Variants in MCUB observed in about 807,000 individuals in gnomAD.
MCUB encodes mitochondrial calcium uniporter dominant negative subunit beta.
In MCUB, 46 loss-of-function variants were observed where a neutral mutation model predicts 41.4. The ratio of observed to expected loss-of-function variants is 1.11; its 90% CI spans 0.88 to 1.42. The LOEUF is 1.42. Among genes scored for constraint, MCUB ranks in the 40% most tolerant of loss-of-function variants. The pLI, the probability that MCUB is intolerant of heterozygous loss-of-function variation, is 0.00. For synonymous variants in MCUB, 148 were observed against 148.2 expected (o/e 1.00, Z 0.01); for missense variants, 403 against 404.9 (o/e 1.00, Z 0.04).
At chr4:109,586,454 T>A (rs1727307664) in intron 1 of MCUB, among the ~76,000 whole-genome samples, 1 of 152,216 alleles carries the variant, frequency 6.6e-6, no homozygotes, top group Non-Finnish European at 1.5e-5. Flanking sequence ...CCTACTTCTG[T>A]CAGCTTCTCA....
chr4:109,603,131 C>T (rs1031844325), intron 1 of MCUB, among the ~76,000 whole-genome samples: 19 of 152,216 alleles, frequency 1.2e-4, no homozygotes, highest in South Asian at 4.1e-4. Context: ...CCGCTCTCCG[C>T]GGTCTCCCTC....
intron 1 of MCUB, among the ~76,000 whole-genome samples, chr4:109,576,925 C>G (rs1057221436): frequency 1.3e-5 from 2 of 152,156 alleles, no homozygotes; most frequent in African/African-American, 4.8e-5. Flanking sequence ...AATCTCGCCT[C>G]ACTGCAGCCT....
intron 4 of MCUB, among the ~76,000 whole-genome samples, chr4:109,665,449 A>G (rs936755379): frequency 2.6e-5 from 4 of 152,184 alleles, no homozygotes; most frequent in African/African-American, 4.8e-5. Context: ...GAACCTGTCT[A>G]TGACATTAAG....
intron 1 of MCUB, among the ~76,000 whole-genome samples, chr4:109,621,848 T>A (rs992772367): frequency 1.3e-5 from 2 of 152,152 alleles, no homozygotes; most frequent in Non-Finnish European, 2.9e-5. Flanking sequence ...ATAGAAAACA[T>A]GAAACTTATA....
chr4:109,565,245 G>C (rs190969261), intron 1 of MCUB, among the ~76,000 whole-genome samples: 27 of 152,308 alleles, frequency 1.8e-4, no homozygotes, highest in Non-Finnish European at 3.2e-4. Context: ...ACATTTGTTA[G>C]AAGTGGGTCA....
intron 3 of MCUB, among the ~76,000 whole-genome samples, chr4:109,662,958 C>G (rs1455406034): frequency 6.6e-6 from 1 of 152,000 alleles, no homozygotes; most frequent in African/African-American, 2.4e-5. Flanking sequence ...GGAAAATGAT[C>G]TCACTGCAAC....
chr4:109,653,945 C>T (rs1729020891), intron 1 of MCUB, among the ~76,000 whole-genome samples: 1 of 152,174 alleles, frequency 6.6e-6, no homozygotes, highest in African/African-American at 2.4e-5. Context: ...ATCATAGTCA[C>T]TCATTTTTGT....
At chr4:109,596,235 C>T (rs1184007862) in intron 1 of MCUB, among the ~76,000 whole-genome samples, 10 of 68,586 alleles carry the variant, frequency 1.5e-4, no homozygotes, top group African/African-American at 3.7e-4. Flanking sequence ...CCAGATCCCC[C>T]GGTGAGAAGA....
At chr4:109,666,305 G>T (rs780326643) in intron 4 of MCUB, among the ~76,000 whole-genome samples, 23 of 152,172 alleles carry the variant, frequency 1.5e-4, no homozygotes, top group Non-Finnish European at 2.6e-4. Context: ...CAAATCATTT[G>T]GTTAAATACC....
intron 1 of MCUB, among the ~76,000 whole-genome samples, chr4:109,623,126 C>T (rs546881824): frequency 6.6e-6 from 1 of 152,296 alleles, no homozygotes; most frequent in South Asian, 2.1e-4. Flanking sequence ...TTGGGACTTT[C>T]ACGATCCATG....
chr4:109,634,920 A>G (rs1194648210), intron 1 of MCUB, among the ~76,000 whole-genome samples: 1 of 152,182 alleles, frequency 6.6e-6, no homozygotes, highest in South Asian at 2.1e-4. Flanking sequence ...CGTCATCTAC[A>G]TTAGGTATTT....
chr4:109,597,626 G>T lies in MCUB; in HGVS notation c.99+37190G>T, dbSNP rs1290119245. Among the ~76,000 whole-genome samples, 3 of 127,746 alleles carry T rather than the reference G, an allele frequency of 2.3e-5. No homozygotes were observed. The East Asian group carries it at 6.8e-4, about 29-fold the overall frequency. The allele number at this position is 127,746 out of a possible 152,430, so 83.8% of individuals were successfully genotyped here. A position where few individuals can be genotyped will look rare whatever the true frequency, so the allele number is the denominator to read the frequency against. On this transcript the variant is annotated intron_variant, in intron 1 of 7. Transcript: ENST00000394650. ...CACCTCCCGGATGGGGCAGCTGGCC[G>T]GGCGGGGGGCTGACTCCCCCACCTC...
chr4:109,614,828 G>A (rs776868513), intron 1 of MCUB, among the ~76,000 whole-genome samples: 11 of 151,978 alleles, frequency 7.2e-5, no homozygotes, highest in Non-Finnish European at 1.6e-4. Flanking sequence ...AGTTGTACAA[G>A]TCCAAGTCTT....
intron 1 of MCUB, among the ~76,000 whole-genome samples, chr4:109,562,717 C>G (rs1330990958): frequency 6.6e-6 from 1 of 152,174 alleles, no homozygotes; most frequent in East Asian, 1.9e-4. Context: ...TTGTCGTAAG[C>G]AGTATTTCAA....
intron 4 of MCUB, 57 bp from the exon 5 acceptor site, chr4:109,682,525 A>G: frequency 7.0e-7 from 1 of 1,429,426 alleles, no homozygotes; most frequent in Non-Finnish European, 9.5e-7. Flanking sequence ...CGAAAGATTT[A>G]CACACCCTGC....
chr4:109,586,256 TTGTG>T (rs1369144166), intron 1 of MCUB, among the ~76,000 whole-genome samples: 9 of 152,208 alleles, frequency 5.9e-5, no homozygotes, highest in Non-Finnish European at 1.0e-4. Flanking sequence ...CTATTGAAGC[TTGTG>T]TGTGTGTCAC....
rs1241854905 is a variant in MCUB, at chr4:109,684,620, T to A, written c.790T>A (p.Phe264Ile). The A allele has an allele frequency of 6.5e-7, 1 of 1,549,154 alleles. No individual in the cohort carries two copies. The stretch of plus-strand genomic sequence containing the variant: ...CACATTTGCAAATTCTATGGTCTTT[T>A]TTGCATACTTTATAGTCACTCGACA... Reference protein sequence around the residue: ...FITFANSMVFFAYFIVTRQDY... With the variant: ...FITFANSMVFIAYFIVTRQDY... Residue 264 changes from phenylalanine (F) to isoleucine (I), a missense_variant, in exon 6 of 8, where the codon TTT (phenylalanine) becomes ATT (isoleucine). By Grantham distance (21) the Phe-to-Ile change is conservative. Transcript: ENST00000394650.
chr4:109,669,013 T>C (rs891183844), intron 4 of MCUB, among the ~76,000 whole-genome samples: 4 of 152,126 alleles, frequency 2.6e-5, no homozygotes, highest in Admixed American at 2.6e-4. Context: ...GCATACATAG[T>C]CAAAACCAGT....
chr4:109,613,794 A>G (rs1404320157), intron 1 of MCUB, among the ~76,000 whole-genome samples: 1 of 152,080 alleles, frequency 6.6e-6, no homozygotes, highest in East Asian at 1.9e-4. Flanking sequence ...ATTTATTGAG[A>G]TAACTGCAGA....
Sources: gnomAD v4.1 joint callset for allele counts (sites outside exome capture counted in the v4.1 genomes callset) on GRCh38, gnomAD v4.1.1 for gene constraint, MANE v1.5 for transcripts, NCBI Gene and HGNC (gene_info 2026-07-23, HGNC 2026-07-21) for gene names.